EPN3: variants seen among roughly 807,000 people sequenced by gnomAD.
The protein encoded by EPN3 is epsin-3.
EPN3 carries 56 observed loss-of-function variants against 55.5 expected under a neutral mutation model. The ratio of observed to expected loss-of-function variants is 1.01; its 90% CI spans 0.81 to 1.26. The LOEUF is 1.26. Ranked by LOEUF, EPN3 falls within the 50% of genes most tolerant of loss-of-function variation. The pLI is 0.00. For missense variants in EPN3, 927 were observed against 853.4 expected (o/e 1.09, Z -1.07); for synonymous variants, 449 against 375.2 (o/e 1.20, Z -2.27).
At chr17:50,535,416 C>T (rs915175650) in intron 1 of EPN3, among the ~76,000 whole-genome samples, 4 of 152,194 alleles carry the variant, frequency 2.6e-5, no homozygotes, top group Non-Finnish European at 5.9e-5. Context: ...TCCATGTGTA[C>T]GTGGGGGTGG....
In EPN3 at chr17:50,539,300, G is replaced by A; in HGVS notation, c.876G>A (p.Lys292=). The part of the protein sequence containing the change: ...PEREERKEEE[K]LKTSQSSILD... ...GAGAAGAGAGAAAGGAGGAGGAGAAGCTAAAAACCAGCCAGGTAGGGAGTG... is the reference window on the plus strand; with the variant it reads ...GAGAAGAGAGAAAGGAGGAGGAGAAACTAAAAACCAGCCAGGTAGGGAGTG... The change falls in exon 5 of 10, where the codon AAG becomes AAA. Residue 292 remains lysine (K), a synonymous_variant. Coordinates refer to ENST00000268933, the MANE Select transcript of EPN3 (RefSeq NM_017957.3). The A allele has an allele frequency of 6.2e-7, 1 of 1,614,128 alleles. No individual in the cohort carries two copies. Among genetic ancestry groups the A allele is most frequent in the Non-Finnish European group, 8.5e-7 (1 of 1,180,010 alleles).
Position 50,541,925 on chromosome 17 carries a change from C to T in EPN3, c.1667C>T (p.Ser556Leu). 6.2e-7 allele frequency: 1 copy of T among 1,600,490 alleles called. No homozygotes were observed. The highest frequency in any genetic ancestry group is 8.5e-7 in the Non-Finnish European group (1 of 1,178,442). ...RPTLNQMRTGSPALGLAGGPV... is the reference protein window; with the variant it reads ...RPTLNQMRTGLPALGLAGGPV... ...ACGCTAAACCAGATGCGCACCGGCT[C>T]GCCGGCGCTGGGCCTGGCAGGCGGG... The change falls in exon 10 of 10, where the codon TCG becomes TTG. Residue 556 changes from serine to leucine, a missense_variant. Physicochemically the swap from Ser to Leu is moderately radical, Grantham distance 145. Coordinates refer to ENST00000268933, the MANE Select transcript of EPN3 (RefSeq NM_017957.3).
Position 50,532,974 on chromosome 17 carries a change from C to G in EPN3, c.-148C>G. 6 of 1,284,572 alleles carry G rather than the reference C, an allele frequency of 4.7e-6. No individual in the cohort carries two copies. Among genetic ancestry groups the G allele is most frequent in the Non-Finnish European group, 6.1e-6 (6 of 986,670 alleles). 79.6% of individuals were successfully genotyped at this position (1,284,572 alleles called of 1,614,324 possible). On this transcript the variant is annotated 5_prime_UTR_variant, in exon 1 of 10. Transcript: ENST00000268933. ...CGGGCTGGGGCTGGGGCCGAGGGAG[C>G]CCGCACTGGAGGTAAGCTTCCTCCC...
Position 50,538,921 on chromosome 17 carries a change from A to G in EPN3, c.719A>G (p.Gln240Arg). 1 of 1,608,548 alleles carries G rather than the reference A, an allele frequency of 6.2e-7. No individual in the cohort carries two copies. The highest frequency in any genetic ancestry group is 8.5e-7 in the Non-Finnish European group (1 of 1,176,440). ...GCCTCCCACAGGGACGAGGACCTGCAGCTGCAGCTGGCTCTGCGCCTGAGC... is the reference window on the plus strand; with the variant it reads ...GCCTCCCACAGGGACGAGGACCTGCGGCTGCAGCTGGCTCTGCGCCTGAGC... ...PPASHRDEDL[Q>R]LQLALRLSRQ... is the part of the protein sequence containing the mutation. The change falls in exon 4 of 10, where the codon CAG becomes CGG. Residue 240 changes from glutamine (Q) to arginine (R), a missense_variant. Gln to Arg is a conservative substitution (Grantham distance 43, BLOSUM62 1). Coordinates refer to ENST00000268933, the MANE Select transcript of EPN3 (RefSeq NM_017957.3).
chr17:50,538,629 G>A (rs915455465), intron 3 of EPN3: 3 of 451,410 alleles, frequency 6.6e-6, no homozygotes, highest in Admixed American at 3.9e-5. Flanking sequence ...AAGCAGCTGG[G>A]CCTCACACAG....
Position 50,541,517 on chromosome 17 carries a change from G to A in EPN3, c.1408G>A (p.Glu470Lys). 2.5e-6 allele frequency: 4 copies of A among 1,614,146 alleles called. No homozygotes were observed. Among genetic ancestry groups the A allele is most frequent in the Non-Finnish European group, 3.4e-6 (4 of 1,180,034 alleles). The change falls in exon 9 of 10, where the codon GAG becomes AAG. Residue 470 changes from glutamate to lysine, a missense_variant. Physicochemically the swap from Glu to Lys is moderately conservative, Grantham distance 56. Transcript: ENST00000268933. The part of the protein sequence containing the change: ...SPSSKQNGTK[E>K]PDALDLGILG... ...CAGTTCCAAGCAAAATGGCACGAAG[G>A]AGCCAGATGCCCTGGACCTGGGCAT...
Position 50,542,078 on chromosome 17 carries a change from C to T in EPN3, c.1820C>T (p.Pro607Leu), listed in dbSNP as rs775376900. The stretch of plus-strand genomic sequence containing the variant: ...TTCCCGCAGGCCGGAGCCTTCGCAC[C>T]GCAGCCGCTGCTGCCCACGCCGAGC... ...SVFPQAGAFA[P>L]QPLLPTPSSA... is the part of the protein sequence containing the mutation. Residue 607 changes from proline to leucine, a missense_variant, in exon 10 of 10, where the codon CCG becomes CTG. Coordinates refer to ENST00000268933, the MANE Select transcript of EPN3 (RefSeq NM_017957.3). 5 of 1,579,996 alleles carry T rather than the reference C, an allele frequency of 3.2e-6. No homozygotes were observed. Among genetic ancestry groups the T allele is most frequent in the Non-Finnish European group, 1.7e-6 (2 of 1,172,818 alleles).
chr17:50,533,054 C>G (rs1165449232), intron 1 of EPN3, 69 bp downstream of exon 1: 1 of 1,025,028 alleles, frequency 9.8e-7, no homozygotes, highest in Non-Finnish European at 1.3e-6. Context: ...GGGGAGCAAA[C>G]AGTGGTTCTG....
rs746992579 is a variant in EPN3 at position 50,540,271 on chromosome 17, A to C, written c.916A>C (p.Ile306Leu). The C allele has an allele frequency of 6.2e-7, 1 of 1,612,586 alleles. No homozygotes were observed. ...GTCCTCCATCCTGGACTTGGCTGAC[A>C]TCTTCGTACCTGCCCTGGCCCCGCC... Reference protein sequence around the residue: ...SQSSILDLADIFVPALAPPST... With the variant: ...SQSSILDLADLFVPALAPPST... The change falls in exon 6 of 10, where the codon ATC becomes CTC. Residue 306 changes from isoleucine (I) to leucine (L), a missense_variant. By Grantham distance (5) the Ile-to-Leu change is conservative. Transcript: ENST00000268933.
At position 50,542,106 on chromosome 17, in the gene EPN3, A is replaced by AGCCGGGCCGCGGCC; in HGVS notation, c.1849_1862dup (p.Pro623GlyfsTer46). 11 of 1,544,888 alleles carry AGCCGGGCCGCGGCC rather than the reference A, an allele frequency of 7.1e-6. No homozygotes were observed. Among genetic ancestry groups the AGCCGGGCCGCGGCC allele is most frequent in the Non-Finnish European group, 9.5e-6 (11 of 1,155,982 alleles). On this transcript the variant is annotated frameshift_variant, in exon 10 of 10. Transcript: ENST00000268933. LOFTEE classifies it high-confidence loss of function. ...AGCCGCTGCTGCCCACGCCGAGCTC[A>AGCCGGGCCGCGGCC]GCCGGGCCGCGGCCCCCGCCCCCGC...
Position 50,540,351 on chromosome 17 carries a change from G to C in EPN3, c.979+17G>C. 6.2e-7 allele frequency: 1 copy of C among 1,601,000 alleles called. No individual in the cohort carries two copies. The highest frequency in any genetic ancestry group is 8.5e-7 in the Non-Finnish European group (1 of 1,174,794). ...ACATCCCAGGTGGGCATGCAGGGCTGCAAGAGACTTCCAGGCTGGCCCAAG... is the reference window on the plus strand; with the variant it reads ...ACATCCCAGGTGGGCATGCAGGGCTCCAAGAGACTTCCAGGCTGGCCCAAG... On this transcript the variant is annotated intron_variant, in intron 6 of 9. Transcript: ENST00000268933.
At chr17:50,538,750 GAGCGGCA>G (rs2034800806) in intron 3 of EPN3, 127 bp from the exon 4 acceptor site, 1 of 595,988 alleles carries the variant, frequency 1.7e-6, no homozygotes, top group Admixed American at 3.6e-5. Flanking sequence ...CCTGCTGACT[GAGCGGCA>G]AATGGCCCAT....
chr17:50,536,412 C>G lies in EPN3; in HGVS notation c.-136-9C>G. On this transcript the variant is annotated splice_polypyrimidine_tract_variant and intron_variant, in intron 1 of 9. Coordinates refer to ENST00000268933, the MANE Select transcript of EPN3 (RefSeq NM_017957.3). ...TCTGCCCCTGAGTTCCTGGCCCTCT[C>G]TTCCTCAGCCCCATGTGGAACCCAA... The G allele has an allele frequency of 6.7e-7, 1 of 1,484,450 alleles. No individual in the cohort carries two copies. The highest frequency in any genetic ancestry group is 8.9e-7 in the Non-Finnish European group (1 of 1,127,222). The allele number at this position is 1,484,450 out of a possible 1,614,324, so 92.0% of individuals were successfully genotyped here. A position where few individuals can be genotyped will look rare whatever the true frequency, so the allele number is the denominator to read the frequency against.
Position 50,536,593 on chromosome 17 carries a change from A to G in EPN3, c.37A>G (p.Ile13Val), listed in dbSNP as rs1181562294. Residue 13 changes from isoleucine (I) to valine (V), a missense_variant, in exon 2 of 10, where the codon ATC becomes GTC. Coordinates refer to ENST00000268933, the MANE Select transcript of EPN3 (RefSeq NM_017957.3). The part of the protein sequence containing the change: ...TSALRRQVKN[I>V]VHNYSEAEIK... ...CGCACTCCGGCGCCAGGTGAAGAAC[A>G]TCGTGCACAACTACTCCGAGGCAGA... is the stretch of plus-strand genomic sequence containing the variant. 3 of 1,613,884 alleles carry G rather than the reference A, an allele frequency of 1.9e-6. No homozygotes were observed. The highest frequency in any genetic ancestry group is 3.3e-5 in the Admixed American group (2 of 59,994).
chr17:50,536,580 C>T lies in EPN3; in HGVS notation c.24C>T (p.Arg8=), dbSNP rs9906412. 5.9e-5 allele frequency: 95 copies of T among 1,614,002 alleles called. No homozygotes were observed. The Middle Eastern group carries it at 8.2e-4, about 14-fold the overall frequency. Residue 8 remains arginine, a synonymous_variant, in exon 2 of 10, where the codon CGC becomes CGT. Coordinates refer to ENST00000268933, the MANE Select transcript of EPN3 (RefSeq NM_017957.3). The part of the protein sequence containing the change: MTTSALR[R]QVKNIVHNYS... ...CCATGACGACCTCCGCACTCCGGCG[C>T]CAGGTGAAGAACATCGTGCACAACT...
Position 50,541,990 on chromosome 17 carries a change from T to G in EPN3, c.1732T>G (p.Ser578Ala). 1 of 1,598,144 alleles carries G rather than the reference T, an allele frequency of 6.3e-7. No homozygotes were observed. The highest frequency in any genetic ancestry group is 1.7e-4 in the Middle Eastern group (1 of 5,970). ...APLGSMTYSASLPLPLSSVPA... is the reference protein window; with the variant it reads ...APLGSMTYSAALPLPLSSVPA... ...CCTGGGCTCCATGACCTACAGCGCC[T>G]CTCTGCCCCTCCCGCTCAGCAGCGT... is the stretch of plus-strand genomic sequence containing the variant. Residue 578 changes from serine to alanine, a missense_variant, in exon 10 of 10, where the codon TCT (serine) becomes GCT (alanine). Coordinates refer to ENST00000268933, the MANE Select transcript of EPN3 (RefSeq NM_017957.3).
rs1464469274 is a variant in EPN3, at chr17:50,541,593, C to T, written c.1484C>T (p.Thr495Ile). The T allele has an allele frequency of 4.3e-6, 7 of 1,614,212 alleles. No homozygotes were observed. Among genetic ancestry groups the T allele is most frequent in the Non-Finnish European group, 5.9e-6 (7 of 1,180,044 alleles). ...AGCAAAGAGGCCCGAGCTTGCCGGA[C>T]TCCCGAGTCCTTCCTGGGTCCCTCA... ...QPSKEARACR[T>I]PESFLGPSAS... is the part of the protein sequence containing the mutation. Residue 495 changes from threonine (T) to isoleucine (I), a missense_variant, in exon 9 of 10, where the codon ACT becomes ATT. Thr to Ile is a moderately conservative substitution (Grantham distance 89). Coordinates refer to ENST00000268933, the MANE Select transcript of EPN3 (RefSeq NM_017957.3).
chr17:50,542,173 A>G lies in EPN3; in HGVS notation c.*16A>G, dbSNP rs1024759852. On this transcript the variant is annotated 3_prime_UTR_variant, in exon 10 of 10. Transcript: ENST00000268933. ...CTTCCTCTGAGCCCCGCCCCGTCCCATACCGGCCTGCGCCTGCGCCGGACG... is the reference window on the plus strand; with the variant it reads ...CTTCCTCTGAGCCCCGCCCCGTCCCGTACCGGCCTGCGCCTGCGCCGGACG... 1.1e-5 allele frequency: 16 copies of G among 1,471,444 alleles called. No homozygotes were observed. The highest frequency in any genetic ancestry group is 1.5e-5 in the African/African-American group (1 of 67,498). 91.1% of individuals were successfully genotyped at this position (1,471,444 alleles called of 1,614,324 possible). A position where few individuals can be genotyped will look rare whatever the true frequency, so the allele number is the denominator to read the frequency against.
chr17:50,533,036 G>T (rs1448815477), intron 1 of EPN3, 51 bp downstream of exon 1: 1 of 1,157,636 alleles, frequency 8.6e-7, no homozygotes, highest in Non-Finnish European at 1.1e-6. Context: ...TGGAAGGCGG[G>T]GGTTGGTGGG....
Sources: gnomAD v4.1 joint callset for allele counts (sites outside exome capture counted in the v4.1 genomes callset) on GRCh38, gnomAD v4.1.1 for gene constraint, MANE v1.5 for transcripts, NCBI Gene and HGNC (gene_info 2026-07-23, HGNC 2026-07-21) for gene names.